AHCYL1: variants seen among roughly 807,000 people sequenced by gnomAD.
The protein encoded by AHCYL1 is S-adenosylhomocysteine hydrolase-like protein 1.
AHCYL1 carries 20 observed loss-of-function variants against 79.3 expected under a neutral mutation model. That is an observed-to-expected ratio of 0.25 (90% CI 0.18 to 0.37). The LOEUF (loss-of-function observed/expected upper bound fraction) is 0.37. Among genes scored for constraint, AHCYL1 ranks in the 10% least tolerant of loss-of-function variants. AHCYL1 has a pLI of 1.00. For synonymous variants in AHCYL1, 223 were observed against 242.2 expected, an observed-to-expected ratio of 0.92 and a Z score of 0.74; for missense variants, 330 against 673.6, an observed-to-expected ratio of 0.49 and a Z score of 5.65.
At chr1:109,993,550 G>C (rs2101696982) in intron 1 of AHCYL1, among the ~76,000 whole-genome samples, 1 of 152,314 alleles carries the variant, frequency 6.6e-6, no homozygotes, top group Admixed American at 6.5e-5. Flanking sequence ...CAGTTGGCTG[G>C]GGTGATTTTT....
intron 5 of AHCYL1, among the ~76,000 whole-genome samples, chr1:110,013,567 G>A (rs748021794): frequency 2.2e-4 from 33 of 151,958 alleles, no homozygotes; most frequent in Non-Finnish European, 3.4e-4. Flanking sequence ...AAAGTTAGCC[G>A]GGAGTGGTGG....
chr1:110,015,069 C>T (rs1179353145), intron 6 of AHCYL1, among the ~76,000 whole-genome samples: 1 of 152,162 alleles, frequency 6.6e-6, no homozygotes, highest in African/African-American at 2.4e-5. Flanking sequence ...GGCTCAAACA[C>T]ACCAGAACAA....
intron 1 of AHCYL1, among the ~76,000 whole-genome samples, chr1:110,005,477 G>C (rs1174275214): frequency 6.6e-6 from 1 of 152,194 alleles, no homozygotes. Flanking sequence ...CAGATTTTAA[G>C]GGACCGTGTT....
chr1:109,998,925 G>A (rs899470251), intron 1 of AHCYL1, among the ~76,000 whole-genome samples: 5 of 152,184 alleles, frequency 3.3e-5, no homozygotes, highest in Admixed American at 2.6e-4. Context: ...GCTGAGGTGG[G>A]AAGATTGCTC....
chr1:110,019,664 C>T (rs369578618), intron 15 of AHCYL1, 38 bp downstream of exon 15: 1 of 1,566,926 alleles, frequency 6.4e-7, no homozygotes, highest in Admixed American at 1.9e-5. Flanking sequence ...CAGACAGCTG[C>T]ATAGTTTGGT....
At chr1:110,015,383 A>G (rs2101736433) in intron 6 of AHCYL1, 42 bp from the exon 7 acceptor site, 1 of 1,531,296 alleles carries the variant, frequency 6.5e-7, no homozygotes, top group Non-Finnish European at 9.1e-7. Flanking sequence ...CCCCAGCCCT[A>G]GCAGCCTGAA....
intron 3 of AHCYL1, 148 bp downstream of exon 3, chr1:110,011,505 C>G: frequency 2.7e-6 from 3 of 1,109,604 alleles, no homozygotes; most frequent in Non-Finnish European, 3.8e-6. Context: ...ACTTCTCTCT[C>G]TATGGAACTT....
At chr1:110,018,889 G>T in intron 13 of AHCYL1, 162 bp from the exon 14 acceptor site, 1 of 760,286 alleles carries the variant, frequency 1.3e-6, no homozygotes, top group Non-Finnish European at 2.2e-6. Flanking sequence ...AGATGGATTT[G>T]CAGAAAATAG....
chr1:110,018,374 A>G lies in AHCYL1; in HGVS notation c.1125A>G (p.Gly375=). The change falls in exon 12 of 17, where the codon GGA becomes GGG. Residue 375 remains glycine, a splice_region_variant and synonymous_variant. Transcript: ENST00000369799. ...TTAACCACCCATCTTTTCTTTTAGGAAATAAGAATGTAGTGACACGGGAGC... is the reference window on the plus strand; with the variant it reads ...TTAACCACCCATCTTTTCTTTTAGGGAATAAGAATGTAGTGACACGGGAGC... ...RQVDVVITCT[G]NKNVVTREHL... 1 of 1,613,964 alleles carries G rather than the reference A, an allele frequency of 6.2e-7. No individual in the cohort carries two copies. Among genetic ancestry groups the G allele is most frequent in the Non-Finnish European group, 8.5e-7 (1 of 1,179,906 alleles).
Position 110,018,950 on chromosome 1 carries a change from G to T in AHCYL1, c.1318-101G>T, listed in dbSNP as rs1441278049. On this transcript the variant is annotated intron_variant, in intron 13 of 16. Coordinates refer to ENST00000369799, the MANE Select transcript of AHCYL1 (RefSeq NM_006621.7). ...AACTGTAATTCTTCCTCTTCCAACT[G>T]AGTCTAGAGGGGTGTAAAGTCCTCT... The T allele has an allele frequency of 1.0e-5, 11 of 1,068,494 alleles. No individual in the cohort carries two copies. In the Admixed American group the frequency reaches 2.0e-4, roughly 19 times the overall value. 66.2% of individuals were successfully genotyped at this position (1,068,494 alleles called of 1,614,324 possible).
intron 1 of AHCYL1, chr1:109,985,437 T>G: frequency 8.5e-7 from 1 of 1,173,292 alleles, no homozygotes; most frequent in Non-Finnish European, 1.1e-6. Context: ...CGACTGACTT[T>G]TCCTGGATGA....
chr1:110,020,849 C>G lies in AHCYL1; in HGVS notation c.1584C>G (p.Tyr528Ter). ...ATGGGCCATTCAAACCTAATTATTA[C>G]AGGTAACCTGGGGAGAAGCAAGTGA... ...NKNGPFKPNY[Y>*]RY The change falls in exon 16 of 17, where the codon TAC becomes TAG. Residue 528 changes from tyrosine (Y) to a stop codon, truncating the protein, a stop_gained and splice_region_variant. Transcript: ENST00000369799. LOFTEE classifies it high-confidence loss of function. 6.2e-7 allele frequency: 1 copy of G among 1,611,300 alleles called. No homozygotes were observed. The highest frequency in any genetic ancestry group is 8.5e-7 in the Non-Finnish European group (1 of 1,179,090).
intron 1 of AHCYL1, among the ~76,000 whole-genome samples, chr1:110,006,210 A>T (rs1650643871): frequency 6.6e-6 from 1 of 152,160 alleles, no homozygotes; most frequent in Non-Finnish European, 1.5e-5. Context: ...AAGGCTGTTT[A>T]TGGGGTGGTG....
chr1:110,014,687 CA>C, intron 5 of AHCYL1, 75 bp from the exon 6 acceptor site: 1 of 1,123,614 alleles, frequency 8.9e-7, no homozygotes, highest in Non-Finnish European at 1.3e-6. Flanking sequence ...TTTCTCTTCA[CA>C]TGGATCTCAG....
chr1:110,011,118 C>A, intron 2 of AHCYL1, 96 bp from the exon 3 acceptor site: 1 of 1,470,934 alleles, frequency 6.8e-7, no homozygotes, highest in East Asian at 2.3e-5. Context: ...AAGGGTGTTC[C>A]CTTAACTTAA....
chr1:110,013,015 T>C lies in AHCYL1; in HGVS notation c.580+16T>C. On this transcript the variant is annotated intron_variant, in intron 5 of 16. Transcript: ENST00000369799. ...GCTGAGGCTGGTAAGTTCGGTTTTT[T>C]CCCACCAACTTTGCCCCAAAATAGT... 1 of 1,593,652 alleles carries C rather than the reference T, an allele frequency of 6.3e-7. No homozygotes were observed. Among genetic ancestry groups the C allele is most frequent in the Non-Finnish European group, 8.5e-7 (1 of 1,171,544 alleles).
intron 15 of AHCYL1, among the ~76,000 whole-genome samples, chr1:110,020,123 T>C (rs1484719356): frequency 6.6e-6 from 1 of 152,254 alleles, no homozygotes; most frequent in Non-Finnish European, 1.5e-5. Context: ...TCTCCTTGGC[T>C]AGCCCAAATC....
At position 110,011,504 on chromosome 1, in the gene AHCYL1, T is replaced by C. The variant is rs891871301; in HGVS notation, c.376+147T>C. 5.9e-5 allele frequency: 66 copies of C among 1,111,616 alleles called. No homozygotes were observed. In the African/African-American group the frequency reaches 9.4e-4, roughly 16 times the overall value. 68.9% of individuals were successfully genotyped at this position (1,111,616 alleles called of 1,614,324 possible). A position where few individuals can be genotyped will look rare whatever the true frequency, so the allele number is the denominator to read the frequency against. On this transcript the variant is annotated intron_variant, in intron 3 of 16. Coordinates refer to ENST00000369799, the MANE Select transcript of AHCYL1 (RefSeq NM_006621.7). ...GGACTTTCGGATAAACACTTCTCTC[T>C]CTATGGAACTTAAGTCTTGGGATTT...
chr1:110,009,782 A>G (rs1006849091), intron 2 of AHCYL1, among the ~76,000 whole-genome samples: 1 of 152,218 alleles, frequency 6.6e-6, no homozygotes, highest in South Asian at 2.1e-4. Context: ...ACTATAGAGC[A>G]TGTATTAGAA....
Sources: allele counts gnomAD v4.1 joint callset (sites outside exome capture counted in the v4.1 genomes callset), GRCh38; gene constraint gnomAD v4.1.1; transcripts MANE v1.5; gene names NCBI Gene and HGNC (gene_info 2026-07-23, HGNC 2026-07-21).